Variants in CDH8 observed in about 807,000 individuals in gnomAD.
CDH8 encodes cadherin 8, also known as cadherin-8.
In CDH8, 17 loss-of-function variants were observed where a neutral mutation model predicts 68.1. The observed-to-expected ratio is 0.25, with a 90% CI of 0.17 to 0.37. The LOEUF (loss-of-function observed/expected upper bound fraction) is 0.37. Among genes scored for constraint, CDH8 ranks in the 10% least tolerant of loss-of-function variants. The probability of loss-of-function intolerance (pLI) is 1.00; values close to 1 mark genes in which losing one functional copy is unlikely to be tolerated. For missense variants in CDH8, 763 were observed against 999.3 expected (o/e 0.76, Z 3.19); for synonymous variants, 372 against 365.1 (o/e 1.02, Z -0.21).
chr16:61,667,744 T>C (rs1330623805), intron 10 of CDH8: 6 of 151,972 alleles, frequency 3.9e-5, no homozygotes, highest in Admixed American at 3.9e-4. Flanking sequence ...AGAAAATAAA[T>C]GCAATAAGAA....
intron 7 of CDH8, among the ~76,000 whole-genome samples, chr16:61,794,401 T>C (rs559008797): frequency 1.3e-5 from 2 of 152,206 alleles, no homozygotes; most frequent in South Asian, 4.1e-4. Flanking sequence ...ATGGGGATTG[T>C]ACCATGATTT....
intron 9 of CDH8, among the ~76,000 whole-genome samples, chr16:61,717,145 C>T (rs1334814961): frequency 6.6e-6 from 1 of 151,516 alleles, no homozygotes; most frequent in African/African-American, 2.4e-5. Flanking sequence ...TAAAGTTAAG[C>T]TTAAATATTT....
intron 10 of CDH8, among the ~76,000 whole-genome samples, chr16:61,670,256 A>G (rs984287995): frequency 7.2e-5 from 11 of 152,128 alleles, no homozygotes; most frequent in African/African-American, 2.7e-4. Context: ...GGCAGCAGGA[A>G]CAAACAGCCT....
intron 8 of CDH8, among the ~76,000 whole-genome samples, chr16:61,768,395 C>CTCTCTCT (rs1567461337): frequency 4.3e-5 from 1 of 23,440 alleles, no homozygotes. Flanking sequence ...TCTCTCTCTC[C>CTCTCTCT]CTTTCTCTCT....
chr16:61,848,777 T>G (rs1160081963), intron 4 of CDH8, among the ~76,000 whole-genome samples: 1 of 152,096 alleles, frequency 6.6e-6, no homozygotes, highest in Non-Finnish European at 1.5e-5. Flanking sequence ...TCATTTATTT[T>G]GGGCATTTCA....
intron 10 of CDH8, among the ~76,000 whole-genome samples, chr16:61,699,207 G>A (rs1964378531): frequency 6.6e-6 from 1 of 152,064 alleles, no homozygotes; most frequent in Non-Finnish European, 1.5e-5. Context: ...AAAGGGTCCT[G>A]GTAAGAGAAG....
At chr16:61,999,036 A>T (rs1056453785) in intron 2 of CDH8, among the ~76,000 whole-genome samples, 3 of 152,170 alleles carry the variant, frequency 2.0e-5, no homozygotes, top group Admixed American at 2.0e-4. Context: ...ACTAATACAC[A>T]GCTTTAGAAG....
At chr16:61,891,288 A>C (rs758478729) in intron 3 of CDH8, among the ~76,000 whole-genome samples, 4 of 152,160 alleles carry the variant, frequency 2.6e-5, no homozygotes, top group Non-Finnish European at 5.9e-5. Flanking sequence ...CAAATGTTAA[A>C]ACAAAATCCG....
chr16:61,661,816 C>A (rs932621269), intron 10 of CDH8, among the ~76,000 whole-genome samples: 1 of 151,554 alleles, frequency 6.6e-6, no homozygotes, highest in Non-Finnish European at 1.5e-5. Context: ...GTCACACATT[C>A]TCTGCAAATA....
intron 2 of CDH8, among the ~76,000 whole-genome samples, chr16:61,962,482 C>T (rs1173828153): frequency 6.6e-6 from 1 of 152,060 alleles, no homozygotes; most frequent in East Asian, 1.9e-4. Flanking sequence ...ATTTTCTGTA[C>T]CATCACATGA....
chr16:61,671,956 G>A (rs577639154), intron 10 of CDH8, among the ~76,000 whole-genome samples: 209 of 152,138 alleles, frequency 1.4e-3, no homozygotes, highest in African/African-American at 4.8e-3. Context: ...TCTTTTTACT[G>A]AAAATGTAAT....
chr16:61,789,565 G>A, intron 7 of CDH8, 83 bp from the exon 8 acceptor site: 1 of 1,272,806 alleles, frequency 7.9e-7, no homozygotes, highest in Non-Finnish European at 1.1e-6. Flanking sequence ...AATCCTTGGA[G>A]AGCCATATTT....
chr16:61,903,954 TA>T (rs59909012), intron 2 of CDH8, among the ~76,000 whole-genome samples: 53,947 of 147,494 alleles, frequency 0.37, 9,950 homozygotes, highest in Middle Eastern at 0.49. Context: ...CAGCACTTTT[TA>T]AAAAAAAAAA....
intron 3 of CDH8, among the ~76,000 whole-genome samples, chr16:61,873,511 T>C (rs1306979290): frequency 6.6e-6 from 1 of 152,222 alleles, no homozygotes; most frequent in Non-Finnish European, 1.5e-5. Context: ...AATAGTTATG[T>C]GGAACAGAGT....
intron 8 of CDH8, among the ~76,000 whole-genome samples, chr16:61,765,789 G>A (rs1260848740): frequency 6.6e-6 from 1 of 151,842 alleles, no homozygotes; most frequent in Non-Finnish European, 1.5e-5. Flanking sequence ...GAAGAGAAAG[G>A]ATAAGGCAGA....
chr16:61,985,129 A>T (rs1597108699), intron 2 of CDH8, among the ~76,000 whole-genome samples: 2 of 151,800 alleles, frequency 1.3e-5, no homozygotes, highest in East Asian at 1.9e-4. Context: ...TTTTTTTCAA[A>T]TGTAAAGACT....
At chr16:61,838,974 T>C (rs1230176753) in intron 4 of CDH8, among the ~76,000 whole-genome samples, 1 of 152,142 alleles carries the variant, frequency 6.6e-6, no homozygotes, top group African/African-American at 2.4e-5. Context: ...ATACTTTTCC[T>C]GCTTCTTGAA....
chr16:62,028,752 AC>A (rs1211768734), intron 1 of CDH8, among the ~76,000 whole-genome samples: 289 of 148,092 alleles, frequency 2.0e-3, no homozygotes, highest in Middle Eastern at 7.1e-3. Flanking sequence ...AAAAAAAAAA[AC>A]GAGTATCAGT....
intron 3 of CDH8, among the ~76,000 whole-genome samples, chr16:61,870,740 A>G (rs1963340756): frequency 6.6e-6 from 1 of 152,168 alleles, no homozygotes; most frequent in Non-Finnish European, 1.5e-5. Context: ...TGTGCCCAAC[A>G]TGGTTGGGGT....
Sources: gnomAD v4.1 joint callset for allele counts (sites outside exome capture counted in the v4.1 genomes callset) on GRCh38, gnomAD v4.1.1 for gene constraint, MANE v1.5 for transcripts, NCBI Gene and HGNC (gene_info 2026-07-23, HGNC 2026-07-21) for gene names.